ENOX2: variants seen among roughly 807,000 people sequenced by gnomAD.
ENOX2 encodes the protein ecto-NOX disulfide-thiol exchanger 2, also known as APK1 antigen.
In ENOX2, 36 loss-of-function variants were observed where a neutral mutation model predicts 45.0. The observed-to-expected ratio is 0.80, with a 90% CI of 0.61 to 1.06. The LOEUF is 1.06. Among genes scored for constraint, ENOX2 ranks in the 50% least tolerant of loss-of-function variants. ENOX2 has a pLI of 0.00. For synonymous variants in ENOX2, 174 were observed against 152.3 expected, an observed-to-expected ratio of 1.14 and a Z score of -1.05; for missense variants, 423 against 462.5, an observed-to-expected ratio of 0.91 and a Z score of 0.78.
chrX:130,654,557 T>C (rs937345314), intron 10 of ENOX2, among the ~76,000 whole-genome samples: 1 of 112,148 alleles, frequency 8.9e-6, no homozygotes, highest in African/African-American at 3.2e-5. Flanking sequence ...ACCTTTTCAC[T>C]GGCTCACAAT....
At chrX:130,642,635 C>T (rs773139797) in intron 10 of ENOX2, among the ~76,000 whole-genome samples, 1 of 111,825 alleles carries the variant, frequency 8.9e-6, no homozygotes, top group African/African-American at 3.2e-5. Context: ...ACATTATTGT[C>T]TTACTTGAAG....
intron 9 of ENOX2, among the ~76,000 whole-genome samples, chrX:130,664,932 T>C (rs16999741): frequency 0.017 from 1,944 of 112,340 alleles, 31 homozygotes; most frequent in African/African-American, 0.059. Context: ...CATATATAAA[T>C]TGAAAATATT....
At chrX:130,696,795 C>T (rs1204614058) in intron 4 of ENOX2, among the ~76,000 whole-genome samples, 1 of 111,025 alleles carries the variant, frequency 9.0e-6, no homozygotes, top group East Asian at 2.8e-4. Flanking sequence ...GCTTCACTTC[C>T]CCTGAGGACT....
chrX:130,753,200 C>T, intron 3 of ENOX2, among the ~76,000 whole-genome samples: 1 of 110,803 alleles, frequency 9.0e-6, no homozygotes, highest in Non-Finnish European at 1.9e-5. Flanking sequence ...GTCTTTCTCT[C>T]TCTACCCTGT....
chrX:130,883,328 C>A (rs2078852343), intron 2 of ENOX2, among the ~76,000 whole-genome samples: 1 of 111,289 alleles, frequency 9.0e-6, no homozygotes, highest in Admixed American at 9.5e-5. Flanking sequence ...CCACGCTGGA[C>A]TCGAACTCCT....
rs188138663 is a variant in ENOX2, at chrX:130,838,109, G to T, written c.-182-54419C>A. On this transcript the variant is annotated intron_variant, in intron 2 of 14. Transcript: ENST00000394363. The stretch of plus-strand genomic sequence containing the variant: ...CAGATAACACCTACTATCCTGGCAT[G>T]ATGGCTCATGCCTGTAACCCCAGCA... Among the ~76,000 whole-genome samples the T allele has an allele frequency of 2.7e-4, 30 of 112,276 alleles. 1 individual carries two copies. In the South Asian group the frequency reaches 4.5e-3, roughly 17 times the overall value.
At chrX:130,853,305 A>T (rs1171624698) in intron 2 of ENOX2, among the ~76,000 whole-genome samples, 3 of 108,506 alleles carry the variant, frequency 2.8e-5, no homozygotes, top group Non-Finnish European at 5.7e-5. Context: ...TCTACTAAAA[A>T]TACAAAAAGT....
chrX:130,821,699 A>T (rs1326806467), intron 2 of ENOX2, among the ~76,000 whole-genome samples: 1 of 91,466 alleles, frequency 1.1e-5, no homozygotes, highest in African/African-American at 3.9e-5. Context: ...AATAAAAAAA[A>T]AAATTAAAAA....
chrX:130,635,037 G>C lies in ENOX2; in HGVS notation c.1366C>G (p.Leu456Val), dbSNP rs1425676689. ...TCCACCTGTAACTTGTCATCTTTGA[G>C]TTTTTCAAGTTCAGCTTCTTTCTTT... ...YKKKEAELEK[L>V]KDDKLQVEKM... Residue 456 changes from leucine to valine, a missense_variant, in exon 12 of 15, where the codon CTC becomes GTC. By Grantham distance (32) the Leu-to-Val change is conservative. Around this residue, in one of 5 missense-constraint regions of ENOX2, gnomAD observed 108 missense variants for 70.6 expected, o/e 1.53. Transcript: ENST00000394363. The C allele has an allele frequency of 6.7e-6, 8 of 1,199,177 alleles. No individual in the cohort carries two copies. Among genetic ancestry groups the C allele is most frequent in the Non-Finnish European group, 6.8e-6 (6 of 885,484 alleles).
intron 3 of ENOX2, among the ~76,000 whole-genome samples, chrX:130,709,015 C>A (rs2038111617): frequency 8.9e-6 from 1 of 111,889 alleles, no homozygotes; most frequent in African/African-American, 3.2e-5. Flanking sequence ...AGAAATTCTT[C>A]ACTTATGAGA....
chrX:130,681,440 G>A (rs923148166), intron 5 of ENOX2, among the ~76,000 whole-genome samples: 4 of 111,346 alleles, frequency 3.6e-5, no homozygotes, highest in Non-Finnish European at 5.7e-5. Flanking sequence ...CAGTTGTAAT[G>A]TGTAGTTAAG....
intron 2 of ENOX2, among the ~76,000 whole-genome samples, chrX:130,849,803 C>CT (rs1205367165): frequency 2.7e-5 from 3 of 111,540 alleles, no homozygotes; most frequent in African/African-American, 9.8e-5. Flanking sequence ...CGGATTCCAA[C>CT]TTTTTTTTAG....
At chrX:130,772,937 CTTAT>C (rs2039775009) in intron 3 of ENOX2, among the ~76,000 whole-genome samples, 1 of 112,361 alleles carries the variant, frequency 8.9e-6, no homozygotes, top group African/African-American at 3.2e-5. Context: ...AATATTTGCT[CTTAT>C]TTACTGAGTG....
intron 3 of ENOX2, among the ~76,000 whole-genome samples, chrX:130,764,698 A>T (rs2039576487): frequency 1.8e-5 from 2 of 111,355 alleles, no homozygotes; most frequent in Admixed American, 9.6e-5. Flanking sequence ...GCCCTAATTC[A>T]GTACCATCTG....
chrX:130,688,828 T>C (rs1328724494), intron 5 of ENOX2, 35 bp downstream of exon 5: 4 of 1,086,471 alleles, frequency 3.7e-6, no homozygotes, highest in African/African-American at 3.7e-5. Flanking sequence ...CACTAAAATA[T>C]TGTGTCTTGT....
intron 2 of ENOX2, among the ~76,000 whole-genome samples, chrX:130,845,767 C>T (rs1415941057): frequency 1.8e-5 from 2 of 112,421 alleles, no homozygotes; most frequent in Admixed American, 1.9e-4. Flanking sequence ...ACCTGGCCAA[C>T]CAATACTATT....
At chrX:130,732,414 G>A (rs1033344787) in intron 3 of ENOX2, among the ~76,000 whole-genome samples, 4 of 111,406 alleles carry the variant, frequency 3.6e-5, no homozygotes, top group African/African-American at 1.3e-4. Context: ...TTGTTAAGAT[G>A]TTCATACTAC....
chrX:130,776,681 T>C (rs886091318), intron 3 of ENOX2, among the ~76,000 whole-genome samples: 17 of 111,836 alleles, frequency 1.5e-4, no homozygotes, highest in African/African-American at 5.2e-4. Context: ...TATTTCTTTA[T>C]AGCAATGAAA....
chrX:130,720,826 T>G (rs1173233238), intron 3 of ENOX2, among the ~76,000 whole-genome samples: 1 of 111,194 alleles, frequency 9.0e-6, no homozygotes, highest in Non-Finnish European at 1.9e-5. Context: ...GTAGACAAAT[T>G]CACACACAAA....
Sources: gnomAD v4.1 joint callset for allele counts (sites outside exome capture counted in the v4.1 genomes callset) on GRCh38, gnomAD v4.1.1 for gene constraint, gnomAD v4.1.1 regional missense constraint, MANE v1.5 for transcripts, NCBI Gene and HGNC (gene_info 2026-07-23, HGNC 2026-07-21) for gene names.